The following SCAF4 variants were observed in gnomAD, a reference collection of about 807,000 sequenced individuals.
The protein encoded by SCAF4 is SR-related and CTD-associated factor 4.
Under a neutral mutation model 129.8 loss-of-function variants are expected in SCAF4, and 25 were observed. The observed-to-expected ratio is 0.19, with a 90% confidence interval of 0.14 to 0.27. The LOEUF (loss-of-function observed/expected upper bound fraction) is 0.27, where lower values mean the gene tolerates loss of function less well. SCAF4 is among the 10% of genes least tolerant of loss of function. The probability of loss-of-function intolerance (pLI) is 1.00; values close to 1 mark genes in which losing one functional copy is unlikely to be tolerated. For missense variants in SCAF4, 1,246 were observed against 1,457.1 expected, an observed-to-expected ratio of 0.86 and a Z score of 2.36; for synonymous variants, 551 against 497.7, an observed-to-expected ratio of 1.11 and a Z score of -1.43.
At position 31,701,178 on chromosome 21, in the gene SCAF4, GAATGGGAAAACC is replaced by G; in HGVS notation, c.601-19_601-8del. On this transcript the variant is annotated splice_polypyrimidine_tract_variant and splice_region_variant and intron_variant, in intron 6 of 19. Transcript: ENST00000286835. ...TCTGAAGGATCTGCTGAAGCTTAAAGAATGGGAAAACCAATAAATCACAGAACAAAGTATAAT... is the reference window on the plus strand; with the variant it reads ...TCTGAAGGATCTGCTGAAGCTTAAAGAATAAATCACAGAACAAAGTATAAT... 1 of 1,544,074 alleles carries G rather than the reference GAATGGGAAAACC, an allele frequency of 6.5e-7. No individual in the cohort carries two copies. The highest frequency in any genetic ancestry group is 8.7e-7 in the Non-Finnish European group (1 of 1,147,846).
chr21:31,720,512 A>G (rs1021109587), intron 1 of SCAF4, among the ~76,000 whole-genome samples: 14 of 152,212 alleles, frequency 9.2e-5, no homozygotes, highest in Admixed American at 9.2e-4. Flanking sequence ...TAAATGGTCC[A>G]TTAGATAAGG....
At chr21:31,685,776 C>T in intron 16 of SCAF4, 43 bp from the exon 17 acceptor site, 1 of 1,510,324 alleles carries the variant, frequency 6.6e-7, no homozygotes, top group Non-Finnish European at 8.9e-7. Context: ...TCTAGACACC[C>T]TCCCATCCAC....
chr21:31,677,251 C>G (rs1051638300), intron 19 of SCAF4, among the ~76,000 whole-genome samples: 10 of 152,162 alleles, frequency 6.6e-5, no homozygotes, highest in African/African-American at 2.4e-4. Flanking sequence ...TCTGTCCCCT[C>G]TCACCTACAT....
chr21:31,702,103 T>C (rs996981530), intron 5 of SCAF4, 141 bp downstream of exon 5: 10 of 1,327,942 alleles, frequency 7.5e-6, no homozygotes, highest in East Asian at 2.3e-5. Context: ...ATAGGAATTA[T>C]GGAAAGAAAA....
chr21:31,679,739 A>T (rs926748619), intron 19 of SCAF4, among the ~76,000 whole-genome samples: 1 of 152,184 alleles, frequency 6.6e-6, no homozygotes, highest in Non-Finnish European at 1.5e-5. Context: ...CTAATACATG[A>T]AAAACAGAAT....
At chr21:31,719,255 A>C (rs1412436615) in intron 1 of SCAF4, among the ~76,000 whole-genome samples, 1 of 152,046 alleles carries the variant, frequency 6.6e-6, no homozygotes, top group Non-Finnish European at 1.5e-5. Flanking sequence ...ACGCCATCGC[A>C]CTCTAGCCTG....
chr21:31,678,824 A>G (rs918880534), intron 19 of SCAF4, among the ~76,000 whole-genome samples: 1 of 152,146 alleles, frequency 6.6e-6, no homozygotes, highest in Non-Finnish European at 1.5e-5. Flanking sequence ...TTACACCCTT[A>G]TACTGCCTAA....
chr21:31,708,860 A>G (rs538512155), intron 1 of SCAF4, among the ~76,000 whole-genome samples: 1 of 152,322 alleles, frequency 6.6e-6, no homozygotes, highest in Admixed American at 6.5e-5. Flanking sequence ...TAGAAGCAAT[A>G]AGGGGCCTTT....
At chr21:31,713,511 T>A (rs2050853813) in intron 1 of SCAF4, among the ~76,000 whole-genome samples, 1 of 152,180 alleles carries the variant, frequency 6.6e-6, no homozygotes. Flanking sequence ...AAAGAGAGAA[T>A]CCTGGAGTTA....
Position 31,729,298 on chromosome 21 carries a change from T to G in SCAF4, c.30+2365A>C, listed in dbSNP as rs187571375. On this transcript the variant is annotated intron_variant, in intron 1 of 19. Coordinates refer to ENST00000286835, the MANE Select transcript of SCAF4 (RefSeq NM_020706.2). ...CCCTTCGATCACTGCTTCCTACATC[T>G]TCTGAAATCCTAAAACTGATACCTG... Among the ~76,000 whole-genome samples the G allele has an allele frequency of 2.6e-5, 4 of 152,328 alleles. No individual in the cohort carries two copies. The East Asian group carries it at 7.7e-4, about 29-fold the overall frequency.
chr21:31,705,377 C>T, intron 3 of SCAF4, 46 bp downstream of exon 3: 1 of 903,042 alleles, frequency 1.1e-6, no homozygotes, highest in East Asian at 2.8e-5. Flanking sequence ...AAGTAAATTA[C>T]AAATCATATT....
At position 31,685,774 on chromosome 21, in the gene SCAF4, C is replaced by A. The variant is rs184958033; in HGVS notation, c.2044-41G>T. Reference sequence around the variant, plus strand: ...AAAGAATAAACCACCTATCTAGACACCCTCCCATCCACACAGTAAGCACAG... The same window carrying A: ...AAAGAATAAACCACCTATCTAGACAACCTCCCATCCACACAGTAAGCACAG... On this transcript the variant is annotated intron_variant, in intron 16 of 19. Coordinates refer to ENST00000286835, the MANE Select transcript of SCAF4 (RefSeq NM_020706.2). 8 of 1,516,442 alleles carry A rather than the reference C, an allele frequency of 5.3e-6. No individual in the cohort carries two copies. In the East Asian group the frequency reaches 1.8e-4, roughly 34 times the overall value. 93.9% of individuals were successfully genotyped at this position (1,516,442 alleles called of 1,614,324 possible).
At chr21:31,693,507 G>A (rs372598088) in intron 11 of SCAF4, 23 bp from the exon 12 acceptor site, 2 of 1,437,038 alleles carry the variant, frequency 1.4e-6, no homozygotes, top group South Asian at 3.0e-5. Flanking sequence ...AGAGAAGGGA[G>A]AATGCATAGC....
At chr21:31,699,375 G>A (rs1252293042) in intron 7 of SCAF4, among the ~76,000 whole-genome samples, 1 of 151,992 alleles carries the variant, frequency 6.6e-6, no homozygotes, top group South Asian at 2.1e-4. Flanking sequence ...AAAAAACTAG[G>A]AAAACCAAAT....
At position 31,701,100 on chromosome 21, in the gene SCAF4, C is replaced by T. The variant is rs375689098; in HGVS notation, c.672G>A (p.Met224Ile). Residue 224 changes from methionine to isoleucine, a missense_variant, in exon 7 of 20, where the codon ATG becomes ATA. This residue lies in a region of SCAF4 where 143 missense variants were observed against 161.0 expected (regional missense o/e 0.89). Coordinates refer to ENST00000286835, the MANE Select transcript of SCAF4 (RefSeq NM_020706.2). ...PQSPALDNAVMAQVQAITAQL... is the reference protein window; with the variant it reads ...PQSPALDNAVIAQVQAITAQL... ...GAGCTGTGATAGCCTGAACCTGAGCCATCACAGCATTGTCAAGGGCAGGAG... is the reference window on the plus strand; with the variant it reads ...GAGCTGTGATAGCCTGAACCTGAGCTATCACAGCATTGTCAAGGGCAGGAG... 2 of 1,613,662 alleles carry T rather than the reference C, an allele frequency of 1.2e-6. No homozygotes were observed. The highest frequency in any genetic ancestry group is 1.7e-6 in the Non-Finnish European group (2 of 1,179,820).
At chr21:31,687,971 G>A (rs1042440584) in intron 16 of SCAF4, among the ~76,000 whole-genome samples, 2 of 151,640 alleles carry the variant, frequency 1.3e-5, no homozygotes, top group Non-Finnish European at 2.9e-5. Context: ...AGCCAGGTGT[G>A]GTGGCAAATG....
intron 7 of SCAF4, among the ~76,000 whole-genome samples, chr21:31,698,952 T>C (rs1191132288): frequency 6.6e-6 from 1 of 152,198 alleles, no homozygotes; most frequent in Non-Finnish European, 1.5e-5. Context: ...ATTCAATTAC[T>C]GGTTCTGTTT....
intron 19 of SCAF4, among the ~76,000 whole-genome samples, chr21:31,675,425 CAA>C: frequency 6.6e-6 from 1 of 152,210 alleles, no homozygotes; most frequent in East Asian, 1.9e-4. Flanking sequence ...GTGATAGTGA[CAA>C]GAGACTGAAG....
chr21:31,672,784 C>T (rs759657024), intron 19 of SCAF4, among the ~76,000 whole-genome samples: 3 of 152,122 alleles, frequency 2.0e-5, no homozygotes, highest in South Asian at 2.1e-4. Context: ...ATTTACACCC[C>T]GTCTTATTAC....
Sources: allele counts gnomAD v4.1 joint callset (sites outside exome capture counted in the v4.1 genomes callset), GRCh38; gene constraint gnomAD v4.1.1; regional missense constraint gnomAD v4.1.1; transcripts MANE v1.5; gene names NCBI Gene and HGNC (gene_info 2026-07-23, HGNC 2026-07-21).